Variants in EQTN observed in about 807,000 individuals in gnomAD.
EQTN encodes the protein Acrosome formation associated factor.
A neutral mutation model predicts 26.9 loss-of-function variants in EQTN; 29 were observed. The observed-to-expected ratio is 1.08, with a 90% CI of 0.80 to 1.47. The LOEUF is 1.47. Among genes scored for constraint, EQTN ranks in the 40% most tolerant of loss-of-function variants. The pLI, the probability that EQTN is intolerant of heterozygous loss-of-function variation, is 0.00. For missense variants in EQTN, 391 were observed against 346.1 expected (o/e 1.13, Z -1.03); for synonymous variants, 129 against 120.0 (o/e 1.07, Z -0.49).
In EQTN at chr9:27,284,750, A is replaced by G. The variant is rs140958065; in HGVS notation, c.858T>C (p.His286=). The G allele has an allele frequency of 8.7e-6, 14 of 1,614,020 alleles. No homozygotes were observed. The African/African-American group carries it at 1.7e-4, about 20-fold the overall frequency. The change falls in exon 8 of 8, where the codon CAT becomes CAC. Residue 286 remains histidine (H), a synonymous_variant. Transcript: ENST00000380032. The part of the protein sequence containing the change: ...IISIGSDNEM[H]ENDESVTR ...ACCGGGTAACCGACTCATCGTTTTC[A>G]TGCATCTCATTATCTGAGCCTATGG...
In EQTN at chr9:27,292,484, T is replaced by C. The variant is rs755495856; in HGVS notation, c.293A>G (p.Lys98Arg). The change falls in exon 4 of 8, where the codon AAA becomes AGA. Residue 98 changes from lysine (K) to arginine (R), a missense_variant. Transcript: ENST00000380032. ...TTCATATGTAGTTGCATTGACAGTT[T>C]TATCTAGGAAAAGGGAAAAAGAATT... ...TDLNFALKND[K>R]TVNATTYEKS... 1.9e-6 allele frequency: 3 copies of C among 1,593,674 alleles called. No homozygotes were observed. Among genetic ancestry groups the C allele is most frequent in the South Asian group, 1.1e-5 (1 of 88,344 alleles).
At chr9:27,294,292 G>T (rs778284030) in intron 3 of EQTN, 24 bp downstream of exon 3, 1 of 1,548,136 alleles carries the variant, frequency 6.5e-7, no homozygotes, top group Non-Finnish European at 8.9e-7. Context: ...TTTTACATGT[G>T]CAATGGTGCC....
At chr9:27,293,736 C>T (rs1033703890) in intron 3 of EQTN, among the ~76,000 whole-genome samples, 4 of 152,162 alleles carry the variant, frequency 2.6e-5, no homozygotes, top group East Asian at 1.9e-4. Context: ...GCAAGATTCC[C>T]GTAAGTGATT....
chr9:27,289,142 C>A (rs909655170), intron 6 of EQTN, among the ~76,000 whole-genome samples: 1 of 151,984 alleles, frequency 6.6e-6, no homozygotes, highest in African/African-American at 2.4e-5. Flanking sequence ...TTCTTTAAAC[C>A]CAAAACTGCT....
intron 2 of EQTN, 120 bp downstream of exon 2, chr9:27,296,493 A>C (rs1820346009): frequency 1.4e-6 from 1 of 708,382 alleles, no homozygotes; most frequent in Non-Finnish European, 2.2e-6. Flanking sequence ...AGGTCACAGA[A>C]GTAGAAATAA....
chr9:27,290,745 T>C (rs1820218104), intron 5 of EQTN, among the ~76,000 whole-genome samples: 2 of 152,256 alleles, frequency 1.3e-5, no homozygotes, highest in Non-Finnish European at 1.5e-5. Context: ...ATGAATGATA[T>C]TGAGCAAGAA....
rs866620983 is a variant in EQTN at position 27,284,826 on chromosome 9, C to T, written c.782G>A (p.Arg261Lys). The T allele has an allele frequency of 6.2e-7, 1 of 1,613,990 alleles. No homozygotes were observed. Among genetic ancestry groups the T allele is most frequent in the African/African-American group, 1.3e-5 (1 of 74,898 alleles). ...TFLGTTSSDM[R>K]RSGTRTSESK... ...TTCTGATGTTCTTGTGCCTGATCTT[C>T]TCATATCTGAAGAAGTGGTACCCAA... is the stretch of plus-strand genomic sequence containing the variant. Residue 261 changes from arginine to lysine, a missense_variant, in exon 8 of 8, where the codon AGA becomes AAA. Physicochemically the swap from Arg to Lys is conservative, Grantham distance 26. Transcript: ENST00000380032.
Position 27,293,499 on chromosome 9 carries a change from C to T in EQTN, c.289+817G>A, listed in dbSNP as rs191927656. ...AGCAGGTCTCCTTCTGTCAGAGCCC[C>T]GTTTAAAATGGCAGGAATGTCTTAT... On this transcript the variant is annotated intron_variant, in intron 3 of 7. Transcript: ENST00000380032. 4.4e-3 allele frequency among the ~76,000 whole-genome samples: 675 copies of T among 152,248 alleles called. 3 individuals are homozygous for T. Among genetic ancestry groups the T allele is most frequent in the African/African-American group, 0.015 (623 of 41,538 alleles).
In EQTN at chr9:27,294,519, G is replaced by C. The variant is rs3739533; in HGVS notation, c.203-117C>G. The C allele has an allele frequency of 9.2e-3, 4,091 of 446,126 alleles. 217 individuals are homozygous for C. In the East Asian group the frequency reaches 0.12, roughly 13 times the overall value. 27.6% of individuals were successfully genotyped at this position (446,126 alleles called of 1,614,324 possible). On this transcript the variant is annotated intron_variant, in intron 2 of 7. Coordinates refer to ENST00000380032, the MANE Select transcript of EQTN (RefSeq NM_020641.3). ...CACTAATTAAAAAAAAATTAAAAAA[G>C]TTATAGTCATTTTTTTTTCATCTAC...
intron 2 of EQTN, among the ~76,000 whole-genome samples, chr9:27,296,009 A>G (rs1820334841): frequency 6.6e-6 from 1 of 152,094 alleles, no homozygotes; most frequent in South Asian, 2.1e-4. Context: ...AAAGATACTT[A>G]AACAGGCTTG....
At chr9:27,289,083 G>T (rs1820175713) in intron 6 of EQTN, among the ~76,000 whole-genome samples, 1 of 152,188 alleles carries the variant, frequency 6.6e-6, no homozygotes, top group Non-Finnish European at 1.5e-5. Flanking sequence ...AGACATAGGG[G>T]AAACTGAGGA....
chr9:27,291,179 T>C, intron 4 of EQTN, 116 bp from the exon 5 acceptor site: 1 of 880,146 alleles, frequency 1.1e-6, no homozygotes, highest in Non-Finnish European at 1.7e-6. Context: ...TTTGAGCTCC[T>C]ATAATGTGTC....
At chr9:27,285,575 A>G (rs1369298236) in intron 7 of EQTN, among the ~76,000 whole-genome samples, 5 of 152,256 alleles carry the variant, frequency 3.3e-5, no homozygotes, top group South Asian at 4.1e-4. Flanking sequence ...AACATGTACA[A>G]TGAAATTGAA....
intron 2 of EQTN, among the ~76,000 whole-genome samples, chr9:27,295,859 G>GAAAA (rs1563833686): frequency 9.7e-4 from 125 of 128,382 alleles, no homozygotes; most frequent in African/African-American, 3.3e-3. Context: ...AAAAAACAAC[G>GAAAA]ATAAAATTAC....
intron 6 of EQTN, among the ~76,000 whole-genome samples, chr9:27,288,011 G>T (rs1043036782): frequency 2.0e-5 from 3 of 152,056 alleles, no homozygotes; most frequent in Non-Finnish European, 4.4e-5. Context: ...TCACCATGTT[G>T]GCCAGGCTTG....
At chr9:27,286,080 T>C (rs1820112671) in intron 7 of EQTN, 129 bp downstream of exon 7, 1 of 938,512 alleles carries the variant, frequency 1.1e-6, no homozygotes, top group Non-Finnish European at 1.6e-6. Flanking sequence ...ATAGGGTAAA[T>C]GGAATCAATT....
At position 27,294,745 on chromosome 9, in the gene EQTN, C is replaced by T. The variant is rs140938261; in HGVS notation, c.203-343G>A. Among the ~76,000 whole-genome samples, 71 of 152,142 alleles carry T rather than the reference C, an allele frequency of 4.7e-4. No homozygotes were observed. The East Asian group carries it at 0.013, about 27-fold the overall frequency. On this transcript the variant is annotated intron_variant, in intron 2 of 7. Coordinates refer to ENST00000380032, the MANE Select transcript of EQTN (RefSeq NM_020641.3). ...GTTTGTATTGACATTATCAAAAAAC[C>T]GGGTAAGAAGCATTTACCTGCCCTT...
At chr9:27,287,145 A>T (rs879591461) in intron 6 of EQTN, among the ~76,000 whole-genome samples, 7 of 151,896 alleles carry the variant, frequency 4.6e-5, no homozygotes, top group Admixed American at 3.3e-4. Flanking sequence ...ACCCCAGCCA[A>T]CCCCCAGCAT....
chr9:27,296,554 A>T, intron 2 of EQTN, 59 bp downstream of exon 2: 1 of 1,211,684 alleles, frequency 8.3e-7, no homozygotes, highest in Non-Finnish European at 1.2e-6. Flanking sequence ...AAGGACACTT[A>T]AGTGAAACCA....
Sources: allele counts gnomAD v4.1 joint callset (sites outside exome capture counted in the v4.1 genomes callset), GRCh38; gene constraint gnomAD v4.1.1; transcripts MANE v1.5; gene names NCBI Gene and HGNC (gene_info 2026-07-23, HGNC 2026-07-21).